Variants in CCDC59 observed in about 807,000 individuals in gnomAD.
CCDC59 encodes coiled-coil domain containing 59, also known as thyroid transcription factor 1-associated protein 26.
A neutral mutation model predicts 30.5 loss-of-function variants in CCDC59; 27 were observed. The observed-to-expected ratio is 0.89, with a 90% CI of 0.65 to 1.22. The LOEUF is 1.22. CCDC59 is among the 50% of genes most tolerant of loss of function. The pLI is 0.00. For missense variants in CCDC59, 362 were observed against 284.4 expected (o/e 1.27, Z -1.96); for synonymous variants, 125 against 100.9 (o/e 1.24, Z -1.43).
chr12:82,358,529 A>AT, upstream of CCDC59: 16 of 1,601,506 alleles, frequency 1.0e-5, no homozygotes, highest in South Asian at 1.6e-4. Context: ...CCTCACGGCC[A>AT]TGTTTGCGCC....
At chr12:82,355,532 C>T (rs1024355877) in intron 2 of CCDC59, 2 of 152,150 alleles carry the variant, frequency 1.3e-5, no homozygotes, top group Non-Finnish European at 2.9e-5. Flanking sequence ...TAAATTCATG[C>T]TAGTTTTGCT....
upstream of CCDC59, chr12:82,358,528 C>T (rs1234148341): frequency 6.2e-7 from 1 of 1,601,240 alleles, no homozygotes; most frequent in South Asian, 1.1e-5. Context: ...GCCTCACGGC[C>T]ATGTTTGCGC....
chr12:82,358,119 A>G, intron 1 of CCDC59, 104 bp downstream of exon 1: 1 of 1,326,526 alleles, frequency 7.5e-7, no homozygotes, highest in Non-Finnish European at 1.0e-6. Flanking sequence ...TGCCCCAAGT[A>G]GGACCGGGTC....
At chr12:82,358,779 C>G (rs1288656722), upstream of CCDC59, 1 of 1,613,780 alleles carries the variant, frequency 6.2e-7, no homozygotes, top group Non-Finnish European at 8.5e-7. Flanking sequence ...GACGGAGGCC[C>G]TGCCCTCAGA....
intron 3 of CCDC59, among the ~76,000 whole-genome samples, chr12:82,354,142 A>T (rs1880924824): frequency 6.6e-6 from 1 of 151,984 alleles, no homozygotes; most frequent in Non-Finnish European, 1.5e-5. Context: ...TATTTTTCTT[A>T]GGTCAGTGGT....
intron 2 of CCDC59, chr12:82,355,623 A>G (rs972650531): frequency 2.0e-5 from 3 of 152,244 alleles, no homozygotes; most frequent in Admixed American, 6.5e-5. Context: ...AGTAAAAGAC[A>G]TTAACAGAAA....
intron 2 of CCDC59, among the ~76,000 whole-genome samples, chr12:82,356,337 T>C (rs142535075): frequency 3.9e-5 from 6 of 152,320 alleles, no homozygotes; most frequent in Non-Finnish European, 5.9e-5. Flanking sequence ...AGATTAATAG[T>C]AGTAGCTAAC....
In CCDC59 at chr12:82,358,352, T is replaced by C. The variant is rs757793080; in HGVS notation, c.25A>G (p.Lys9Glu). The C allele has an allele frequency of 7.4e-6, 12 of 1,613,610 alleles. No individual in the cohort carries two copies. The Admixed American group carries it at 1.3e-4, about 18-fold the overall frequency. ...GCCTCAATACCACCAGGCCGCCACT[T>C]CGCGGACCGCCTCACCGGCGCCATT... MAPVRRSA[K>E]WRPGGIEARG... is the part of the protein sequence containing the mutation. Residue 9 changes from lysine (K) to glutamate (E), a missense_variant, in exon 1 of 4, where the codon AAG becomes GAG. By Grantham distance (56) the Lys-to-Glu change is moderately conservative (BLOSUM62 1). Coordinates refer to ENST00000256151, the MANE Select transcript of CCDC59 (RefSeq NM_014167.5).
chr12:82,353,352 CAGT>C (rs1396717332), intron 3 of CCDC59, 40 bp from the exon 4 acceptor site: 8 of 1,461,796 alleles, frequency 5.5e-6, no homozygotes, highest in Non-Finnish European at 7.5e-6. Flanking sequence ...TAGCAACAAA[CAGT>C]AGATACAGTT....
At chr12:82,358,458 A>G, upstream of CCDC59, 1 of 1,603,620 alleles carries the variant, frequency 6.2e-7, no homozygotes, top group South Asian at 1.1e-5. Context: ...TCAATCGCTC[A>G]GAAGGAATCC....
upstream of CCDC59, chr12:82,358,418 C>G (rs1409777367): frequency 2.5e-6 from 4 of 1,609,408 alleles, no homozygotes; most frequent in South Asian, 3.3e-5. Context: ...ACGACGGACG[C>G]CCACAAAATA....
In CCDC59 at chr12:82,354,427, C is replaced by G. The variant is rs1008908667; in HGVS notation, c.564+68G>C. On this transcript the variant is annotated intron_variant, in intron 3 of 3. Coordinates refer to ENST00000256151, the MANE Select transcript of CCDC59 (RefSeq NM_014167.5). ...GTGTGCCCAGCACCAAGAAGCACAA[C>G]AGGTATAGTATATATATTTAGGATA... is the stretch of plus-strand genomic sequence containing the variant. 11 of 1,203,986 alleles carry G rather than the reference C, an allele frequency of 9.1e-6. No individual in the cohort carries two copies. In the African/African-American group the frequency reaches 1.6e-4, roughly 17 times the overall value. 74.6% of individuals were successfully genotyped at this position (1,203,986 alleles called of 1,614,324 possible).
chr12:82,355,559 CAA>C (rs1363017979), intron 2 of CCDC59: 1 of 152,138 alleles, frequency 6.6e-6, no homozygotes, highest in Non-Finnish European at 1.5e-5. Flanking sequence ...CTTCAAACTG[CAA>C]AAGTTATGGC....
intron 3 of CCDC59, 148 bp from the exon 4 acceptor site, chr12:82,353,460 A>T: frequency 3.4e-6 from 2 of 594,452 alleles, no homozygotes; most frequent in Non-Finnish European, 5.7e-6. Context: ...TAATTGAAGC[A>T]AAGTACCCTC....
In CCDC59 at chr12:82,357,153, C is replaced by T; in HGVS notation, c.271G>A (p.Asp91Asn). 1 of 1,614,162 alleles carries T rather than the reference C, an allele frequency of 6.2e-7. No homozygotes were observed. Among genetic ancestry groups the T allele is most frequent in the Non-Finnish European group, 8.5e-7 (1 of 1,180,002 alleles). ...GCTAAATAGAGATGTTTCAGATTATCTGGGTATCGATCTGTGAATTGAGAT... is the reference window on the plus strand; with the variant it reads ...GCTAAATAGAGATGTTTCAGATTATTTGGGTATCGATCTGTGAATTGAGAT... Reference protein sequence around the residue: ...LESQFTDRYPDNLKHLYLAEE... With the variant: ...LESQFTDRYPNNLKHLYLAEE... Residue 91 changes from aspartate to asparagine, a missense_variant, in exon 2 of 4, where the codon GAT (aspartate) becomes AAT (asparagine). Asp to Asn is a conservative substitution (Grantham distance 23). Coordinates refer to ENST00000256151, the MANE Select transcript of CCDC59 (RefSeq NM_014167.5).
chr12:82,356,483 T>G (rs1881014425), intron 2 of CCDC59, among the ~76,000 whole-genome samples: 2 of 152,234 alleles, frequency 1.3e-5, no homozygotes, highest in South Asian at 4.1e-4. Context: ...TCTGGAGCTG[T>G]GCAACATGGC....
At chr12:82,358,011 G>A (rs751411705) in intron 1 of CCDC59, among the ~76,000 whole-genome samples, 5 of 152,182 alleles carry the variant, frequency 3.3e-5, no homozygotes, top group African/African-American at 4.8e-5. Flanking sequence ...ACAGGGTTAC[G>A]TCAGAAAAGA....
chr12:82,356,400 A>G (rs894239304), intron 2 of CCDC59, among the ~76,000 whole-genome samples: 2 of 152,208 alleles, frequency 1.3e-5, no homozygotes, highest in African/African-American at 4.8e-5. Context: ...CCTCATATAC[A>G]TTAACTCGCT....
At chr12:82,358,704 T>C (rs1333970745), upstream of CCDC59, 2 of 1,614,044 alleles carry the variant, frequency 1.2e-6, no homozygotes, top group South Asian at 2.2e-5. Flanking sequence ...AGAATCCGTG[T>C]GGGAGGAGCT....
Sources: gnomAD v4.1 joint callset for allele counts (sites outside exome capture counted in the v4.1 genomes callset) on GRCh38, gnomAD v4.1.1 for gene constraint, MANE v1.5 for transcripts, NCBI Gene and HGNC (gene_info 2026-07-23, HGNC 2026-07-21) for gene names.